Variants in NREP observed in about 807,000 individuals in gnomAD.
NREP encodes the protein neuronal regeneration related protein, also known as neuronal regeneration-related protein.
In NREP, 5 loss-of-function variants were observed where a neutral mutation model predicts 8.6. The observed-to-expected ratio is 0.58, with a 90% confidence interval of 0.30 to 1.22. The LOEUF is 1.22. Ranked by LOEUF, NREP falls within the 50% of genes most tolerant of loss-of-function variation. NREP has a pLI of 0.07. For synonymous variants in NREP, 27 were observed against 28.0 expected (o/e 0.96, Z 0.11); for missense variants, 86 against 82.5 (o/e 1.04, Z -0.17).
At chr5:111,824,901 G>T (rs953177830) in intron 2 of NREP, among the ~76,000 whole-genome samples, 1 of 152,136 alleles carries the variant, frequency 6.6e-6, no homozygotes, top group African/African-American at 2.4e-5. Flanking sequence ...GTAAGACATA[G>T]GTCTTTATGT....
At chr5:111,815,607 T>C (rs1389036138) in intron 2 of NREP, among the ~76,000 whole-genome samples, 1 of 151,522 alleles carries the variant, frequency 6.6e-6, no homozygotes, top group Non-Finnish European at 1.5e-5. Context: ...AAAAATACAA[T>C]CACCGATATA....
At chr5:111,860,156 A>C (rs553907140) in intron 2 of NREP, among the ~76,000 whole-genome samples, 1 of 152,254 alleles carries the variant, frequency 6.6e-6, no homozygotes, top group Non-Finnish European at 1.5e-5. Flanking sequence ...GGATTATAGC[A>C]ACAGTTGCAA....
At chr5:111,957,792 A>C (rs1198618854) in intron 2 of NREP, among the ~76,000 whole-genome samples, 1 of 152,010 alleles carries the variant, frequency 6.6e-6, no homozygotes, top group Non-Finnish European at 1.5e-5. Context: ...GTTAGGAAGT[A>C]TAGTTCATCA....
At chr5:111,862,684 G>A (rs552644187) in intron 2 of NREP, among the ~76,000 whole-genome samples, 4 of 151,926 alleles carry the variant, frequency 2.6e-5, no homozygotes, top group Non-Finnish European at 5.9e-5. Context: ...AAAGTCCTGT[G>A]CTATGTTCTG....
chr5:111,932,229 C>T (rs1357643037), intron 2 of NREP, among the ~76,000 whole-genome samples: 2 of 151,922 alleles, frequency 1.3e-5, no homozygotes, highest in African/African-American at 4.8e-5. Context: ...CTCCTTTCCT[C>T]CAATAAAAAT....
chr5:111,795,417 G>C (rs693553), intron 2 of NREP, among the ~76,000 whole-genome samples: 79,189 of 151,950 alleles, frequency 0.52, 20,743 homozygotes, highest in South Asian at 0.61. Context: ...AAGCTAGGTA[G>C]ACAATCAATC....
chr5:111,863,152 G>A (rs1179460600), intron 2 of NREP, among the ~76,000 whole-genome samples: 2 of 151,910 alleles, frequency 1.3e-5, no homozygotes, highest in Non-Finnish European at 2.9e-5. Context: ...AAATGGTGGT[G>A]GTTAGGCACA....
At chr5:111,863,078 A>C (rs1437639930) in intron 2 of NREP, among the ~76,000 whole-genome samples, 1 of 151,980 alleles carries the variant, frequency 6.6e-6, no homozygotes, top group Non-Finnish European at 1.5e-5. Flanking sequence ...GTAGAAATAG[A>C]TTCAAGAGGA....
intron 3 of NREP, chr5:111,734,896 AT>A: frequency 2.3e-6 from 1 of 430,290 alleles, no homozygotes; most frequent in Non-Finnish European, 4.1e-6. Context: ...AATCTAAAAT[AT>A]AAATTTTACA....
intron 2 of NREP, among the ~76,000 whole-genome samples, chr5:111,824,857 T>C (rs1235141678): frequency 1.3e-5 from 2 of 152,232 alleles, no homozygotes; most frequent in African/African-American, 4.8e-5. Flanking sequence ...TATACATTGG[T>C]TACAATAAAT....
Position 111,800,224 on chromosome 5 carries a change from G to T in NREP, c.136-64717C>A, listed in dbSNP as rs559327197. Among the ~76,000 whole-genome samples, 4 of 152,158 alleles carry T rather than the reference G, an allele frequency of 2.6e-5. No homozygotes were observed. The East Asian group carries it at 7.7e-4, about 29-fold the overall frequency. On this transcript the variant is annotated intron_variant, in intron 2 of 3. Coordinates refer to the NREP transcript ENST00000395634. ...ATTACAGGCGCGGGCCACCACACAC[G>T]GTTTGAAATGTAATTTTAAAAGGAA...
intron 2 of NREP, among the ~76,000 whole-genome samples, chr5:111,895,944 A>G (rs1273165527): frequency 7.9e-5 from 12 of 152,198 alleles, no homozygotes; most frequent in Admixed American, 7.9e-4. Context: ...AACGATTGAT[A>G]AGACTGTTCC....
intron 2 of NREP, among the ~76,000 whole-genome samples, chr5:111,812,941 G>A (rs1427149828): frequency 1.3e-5 from 2 of 151,996 alleles, no homozygotes; most frequent in African/African-American, 4.8e-5. Context: ...AAGTAGCTAG[G>A]CCATAGTCAA....
intron 2 of NREP, among the ~76,000 whole-genome samples, chr5:111,961,328 A>G (rs1756475488): frequency 1.3e-5 from 2 of 152,230 alleles, no homozygotes; most frequent in African/African-American, 4.8e-5. Flanking sequence ...GAAGAGGAAA[A>G]TAAGTGTTAA....
chr5:111,962,807 G>T (rs1756516008), intron 2 of NREP, among the ~76,000 whole-genome samples: 1 of 152,206 alleles, frequency 6.6e-6, no homozygotes, highest in Non-Finnish European at 1.5e-5. Context: ...GGGACTGCTG[G>T]ACTTTGGAGG....
At chr5:111,753,270 A>G (rs968557166) in intron 2 of NREP, among the ~76,000 whole-genome samples, 7 of 150,492 alleles carry the variant, frequency 4.7e-5, no homozygotes, top group African/African-American at 1.7e-4. Context: ...AGTGGCGTTC[A>G]AGGAGGCCCA....
chr5:111,824,996 G>C (rs10478066), intron 2 of NREP, among the ~76,000 whole-genome samples: 10,415 of 152,184 alleles, frequency 0.068, 400 homozygotes, highest in African/African-American at 0.096. Context: ...AGTCACAGAA[G>C]AGATATACGT....
chr5:111,863,403 T>A (rs940869177), intron 2 of NREP, among the ~76,000 whole-genome samples: 18 of 152,180 alleles, frequency 1.2e-4, no homozygotes, highest in Admixed American at 4.6e-4. Flanking sequence ...AGGTGAGTAG[T>A]TGGATACACA....
At chr5:111,877,786 T>C (rs1177569856) in intron 2 of NREP, among the ~76,000 whole-genome samples, 2 of 151,762 alleles carry the variant, frequency 1.3e-5, no homozygotes, top group East Asian at 3.9e-4. Context: ...TTGAAGACTC[T>C]AAAGGGGCCC....
Sources: gnomAD v4.1 joint callset for allele counts (sites outside exome capture counted in the v4.1 genomes callset) on GRCh38, gnomAD v4.1.1 for gene constraint, MANE v1.5 for transcripts, NCBI Gene and HGNC (gene_info 2026-07-23, HGNC 2026-07-21) for gene names.